DIAPH1: variants seen among roughly 807,000 people sequenced by gnomAD.
DIAPH1 encodes the protein diaphanous related formin 1, also known as protein diaphanous homolog 1.
A neutral mutation model predicts 140.7 loss-of-function variants in DIAPH1; 46 were observed. That is an observed-to-expected ratio of 0.33 (90% CI 0.26 to 0.42). DIAPH1 has a LOEUF of 0.42. DIAPH1 is among the 10% of genes least tolerant of loss of function. DIAPH1 has a pLI of 1.00. For synonymous variants in DIAPH1, 565 were observed against 551.6 expected, an observed-to-expected ratio of 1.02 and a Z score of -0.34; for missense variants, 1,310 against 1,558.7, an observed-to-expected ratio of 0.84 and a Z score of 2.69.
chr5:141,524,841 C>T (rs1224137121), intron 26 of DIAPH1: 1 of 157,194 alleles, frequency 6.4e-6, no homozygotes, highest in Admixed American at 6.1e-5. Context: ...ACTGTGAAAT[C>T]CCAAAAAGTC....
chr5:141,519,086 G>C (rs2099886135), intron 27 of DIAPH1: 5 of 1,218,364 alleles, frequency 4.1e-6, no homozygotes, highest in Non-Finnish European at 5.9e-6. Context: ...CCGAGACTGT[G>C]GGATTTTCAC....
intron 9 of DIAPH1, 62 bp from the exon 10 acceptor site, chr5:141,578,687 T>C (rs2099896307): frequency 7.8e-7 from 1 of 1,277,752 alleles, no homozygotes; most frequent in African/African-American, 1.5e-5. Flanking sequence ...GAATCCATTT[T>C]CTTTACATGC....
At position 141,534,420 on chromosome 5, in the gene DIAPH1, T is replaced by C. The variant is rs1170396288; in HGVS notation, c.2496A>G (p.Gln832=). 6.2e-7 allele frequency: 1 copy of C among 1,613,606 alleles called. No homozygotes were observed. The highest frequency in any genetic ancestry group is 8.5e-7 in the Non-Finnish European group (1 of 1,179,906). The change falls in exon 19 of 28, where the codon CAA becomes CAG. Residue 832 remains glutamine, a synonymous_variant. Transcript: ENST00000389054. The stretch of plus-strand genomic sequence containing the variant: ...CAGATTTCTTTTCTTCTCCACCTTC[T>C]TGATCCTTCTTGGCTAGCAGGGAAA... ...QTKTSKAKKD[Q]EGGEEKKSVQ...
chr5:141,533,076 C>T (rs577625657), intron 19 of DIAPH1, among the ~76,000 whole-genome samples: 28 of 152,296 alleles, frequency 1.8e-4, no homozygotes, highest in African/African-American at 6.7e-4. Flanking sequence ...GGTATGTGTA[C>T]TTATTGGCTG....
rs78164729 is a variant in DIAPH1 at position 141,570,390 on chromosome 5, G to A, written c.2482+1038C>T. ...TTAAGAGAGTGGAATTAATCCCTTAGGCTGGACTTTGGCATGGAAGGTGAC... is the reference window on the plus strand; with the variant it reads ...TTAAGAGAGTGGAATTAATCCCTTAAGCTGGACTTTGGCATGGAAGGTGAC... On this transcript the variant is annotated intron_variant, in intron 18 of 27. Transcript: ENST00000389054. 6.5e-4 allele frequency among the ~76,000 whole-genome samples: 99 copies of A among 152,222 alleles called. No homozygotes were observed. In the East Asian group the frequency reaches 0.019, roughly 29 times the overall value.
At chr5:141,554,830 C>T (rs887818101) in intron 18 of DIAPH1, among the ~76,000 whole-genome samples, 2 of 152,020 alleles carry the variant, frequency 1.3e-5, no homozygotes, top group African/African-American at 4.8e-5. Context: ...AAAAACCTGA[C>T]CAAATTTAAT....
intron 18 of DIAPH1, among the ~76,000 whole-genome samples, chr5:141,554,043 C>T (rs573650280): frequency 2.0e-4 from 30 of 152,288 alleles, no homozygotes; most frequent in African/African-American, 7.0e-4. Context: ...CTTTGGGAGG[C>T]TGAGGCGGGC....
chr5:141,540,375 C>T (rs111355623), intron 18 of DIAPH1, among the ~76,000 whole-genome samples: 1,645 of 152,038 alleles, frequency 0.011, 39 homozygotes, highest in African/African-American at 0.038. Context: ...CTACGCCTCC[C>T]GGGTTCAAGC....
At position 141,553,281 on chromosome 5, in the gene DIAPH1, C is replaced by CT. The variant is rs569275321; in HGVS notation, c.2482+18146dup. On this transcript the variant is annotated intron_variant, in intron 18 of 27. Transcript: ENST00000389054. Reference sequence around the variant, plus strand: ...CACTCCAGCCTGGGTGACAGGCTGTCTTTTTTTTTTGACCCTGTCTCAAAA... The same window carrying CT: ...CACTCCAGCCTGGGTGACAGGCTGTCTTTTTTTTTTTGACCCTGTCTCAAAA... 3.0e-4 allele frequency among the ~76,000 whole-genome samples: 43 copies of CT among 141,666 alleles called. 1 individual carries two copies. The East Asian group carries it at 3.4e-3, about 11-fold the overall frequency. The allele number at this position is 141,666 out of a possible 152,430, so 92.9% of individuals were successfully genotyped here.
At chr5:141,606,956 G>C (rs2099901075) in intron 1 of DIAPH1, among the ~76,000 whole-genome samples, 1 of 142,132 alleles carries the variant, frequency 7.0e-6, no homozygotes, top group Non-Finnish European at 1.5e-5. Flanking sequence ...GATTCCCAAG[G>C]CTATTAAAAA....
At chr5:141,567,712 A>C (rs1296804139) in intron 18 of DIAPH1, among the ~76,000 whole-genome samples, 2 of 152,230 alleles carry the variant, frequency 1.3e-5, no homozygotes, top group African/African-American at 4.8e-5. Flanking sequence ...CCTAGTGGAC[A>C]GAAGAGATAT....
rs906444360 is a variant in DIAPH1 at position 141,567,713 on chromosome 5, G to A, written c.2482+3715C>T. Among the ~76,000 whole-genome samples, 10 of 152,194 alleles carry A rather than the reference G, an allele frequency of 6.6e-5. 1 individual carries two copies. Among genetic ancestry groups the A allele is most frequent in the African/African-American group, 1.7e-4 (7 of 41,450 alleles). On this transcript the variant is annotated intron_variant, in intron 18 of 27. Coordinates refer to ENST00000389054, the MANE Select transcript of DIAPH1 (RefSeq NM_005219.5). The stretch of plus-strand genomic sequence containing the variant: ...CTGGGTGAGTGCCACCTAGTGGACA[G>A]AAGAGATATCACAGGGAAAAAGAAA...
rs1227214423 is a variant in DIAPH1, at chr5:141,565,004, AT to A, written c.2482+6423del. ...TATACCTAGCAACTTGGGCCCACAG[AT>A]TTTATTTTTAAGAATTTACTGTGCA... On this transcript the variant is annotated intron_variant, in intron 18 of 27. Transcript: ENST00000389054. This position sits in a 1 kb window ranked among gnomAD's most constrained non-coding sequence, Gnocchi z 4.3. 6.6e-6 allele frequency: 1 copy of A among 152,178 alleles called. No homozygotes were observed. Among genetic ancestry groups the A allele is most frequent in the South Asian group, 2.1e-4 (1 of 4,830 alleles). 9.4% of individuals were successfully genotyped at this position (152,178 alleles called of 1,614,324 possible). A position where few individuals can be genotyped will look rare whatever the true frequency, so the allele number is the denominator to read the frequency against.
chr5:141,565,987 G>A lies in DIAPH1; in HGVS notation c.2482+5441C>T, dbSNP rs141909275. Among the ~76,000 whole-genome samples, 117 of 152,270 alleles carry A rather than the reference G, an allele frequency of 7.7e-4. No homozygotes were observed. The Middle Eastern group carries it at 0.01, about 13-fold the overall frequency. The stretch of plus-strand genomic sequence containing the variant: ...AACCGGGATTGTGGTTTTGCCAATC[G>A]AGTATGAAATGAGAGAGATAATGGA... On this transcript the variant is annotated intron_variant, in intron 18 of 27. Transcript: ENST00000389054. The surrounding 1 kb of genome is among the most constrained non-coding windows in gnomAD (Gnocchi z 4.3).
chr5:141,527,086 G>C (rs1380585313), intron 24 of DIAPH1, among the ~76,000 whole-genome samples: 1 of 152,188 alleles, frequency 6.6e-6, no homozygotes, highest in Non-Finnish European at 1.5e-5. Context: ...GGGAAAGAGA[G>C]GGAAGCATGT....
chr5:141,597,166 A>G (rs900950668), intron 1 of DIAPH1, among the ~76,000 whole-genome samples: 6 of 152,226 alleles, frequency 3.9e-5, no homozygotes, highest in Admixed American at 6.5e-5. Context: ...GTATTGAAGG[A>G]TAAGTCTCTA....
intron 4 of DIAPH1, 33 bp from the exon 5 acceptor site, chr5:141,583,648 G>T: frequency 6.2e-7 from 1 of 1,613,742 alleles, no homozygotes; most frequent in Non-Finnish European, 8.5e-7. Flanking sequence ...GATTAGTAAT[G>T]GTGGACCCAG....
chr5:141,599,453 G>A (rs1372898528), intron 1 of DIAPH1, among the ~76,000 whole-genome samples: 1 of 152,090 alleles, frequency 6.6e-6, no homozygotes, highest in Non-Finnish European at 1.5e-5. Context: ...ATGCCACTTG[G>A]TCCTTACACT....
At chr5:141,559,750 C>G (rs1334580314) in intron 18 of DIAPH1, among the ~76,000 whole-genome samples, 1 of 152,038 alleles carries the variant, frequency 6.6e-6, no homozygotes, top group African/African-American at 2.4e-5. Flanking sequence ...GGCACTATCC[C>G]AAACAAGGAC....
Sources: gnomAD v4.1 joint callset for allele counts (sites outside exome capture counted in the v4.1 genomes callset) on GRCh38, gnomAD v4.1.1 for gene constraint, Gnocchi (gnomAD v3.1) non-coding constraint, MANE v1.5 for transcripts, NCBI Gene and HGNC (gene_info 2026-07-23, HGNC 2026-07-21) for gene names.